The following LPIN1 variants were observed in gnomAD, a reference collection of about 807,000 sequenced individuals.
LPIN1 encodes lipin 1.
In LPIN1, 71 loss-of-function variants were observed where a neutral mutation model predicts 107.5. The observed-to-expected ratio is 0.66, with a 90% CI of 0.55 to 0.80. The LOEUF is 0.80. Among genes scored for constraint, LPIN1 ranks in the 30% least tolerant of loss-of-function variants. The pLI is 0.00. For synonymous variants in LPIN1, 445 were observed against 452.6 expected, an observed-to-expected ratio of 0.98 and a Z score of 0.21; for missense variants, 1,043 against 1,160.6, an observed-to-expected ratio of 0.90 and a Z score of 1.47.
chr2:11,696,339 G>A (rs1363288346), intron 1 of LPIN1, among the ~76,000 whole-genome samples: 1 of 151,964 alleles, frequency 6.6e-6, no homozygotes, highest in Non-Finnish European at 1.5e-5. Context: ...GGAAGGATAA[G>A]GTGCAGTTCA....
rs1671843119 is a variant in LPIN1, at chr2:11,771,541, A to G, written c.458A>G (p.Lys153Arg). The G allele has an allele frequency of 1.2e-6, 2 of 1,614,144 alleles. No homozygotes were observed. The highest frequency in any genetic ancestry group is 4.5e-5 in the East Asian group (2 of 44,872). The change falls in exon 4 of 21, where the codon AAG (lysine) becomes AGG (arginine). Residue 153 changes from lysine (K) to arginine (R), a missense_variant. Coordinates refer to ENST00000674199, the MANE Select transcript of LPIN1 (RefSeq NM_001349206.2). This position sits in a 1 kb window ranked among gnomAD's most constrained non-coding sequence, Gnocchi z 4.8. Reference protein sequence around the residue: ...SETPSSSSVVKKRRKRRRKSQ... With the variant: ...SETPSSSSVVRKRRKRRRKSQ... ...ACGCCGTCAAGCAGCTCTGTAGTAA[A>G]GAAGAGAAGAAAAAGGAGGAGAAAG...
intron 12 of LPIN1, chr2:11,791,584 C>A: frequency 9.6e-7 from 1 of 1,040,088 alleles, no homozygotes; most frequent in Non-Finnish European, 1.3e-6. Flanking sequence ...ACCAGTTAGC[C>A]ACTTTAATTT....
chr2:11,767,954 G>A (rs187425526), intron 3 of LPIN1, 96 bp downstream of exon 3: 61 of 826,872 alleles, frequency 7.4e-5, no homozygotes, highest in Non-Finnish European at 1.1e-4. Flanking sequence ...AAGTAATACC[G>A]GCCGTGGCTG....
At chr2:11,799,435 C>T (rs550494985) in intron 14 of LPIN1, among the ~76,000 whole-genome samples, 2 of 64,264 alleles carry the variant, frequency 3.1e-5, no homozygotes, top group South Asian at 3.8e-4. Context: ...CCTGTAGCCT[C>T]GTTCTTCTTC....
At chr2:11,752,909 T>C (rs1249804465) in intron 1 of LPIN1, among the ~76,000 whole-genome samples, 1 of 152,174 alleles carries the variant, frequency 6.6e-6, no homozygotes, top group Non-Finnish European at 1.5e-5. Context: ...AAATGTGGAA[T>C]TTTCTAATTT....
chr2:11,802,300 A>G (rs1677890371), intron 14 of LPIN1, among the ~76,000 whole-genome samples: 1 of 152,224 alleles, frequency 6.6e-6, no homozygotes, highest in Non-Finnish European at 1.5e-5. Context: ...TAAACAAAAA[A>G]GTCTAGAAGA....
chr2:11,788,373 T>A lies in LPIN1; in HGVS notation c.1644-14T>A. On this transcript the variant is annotated splice_polypyrimidine_tract_variant and intron_variant, in intron 11 of 20. Transcript: ENST00000674199. ...CCTCGGTTTTTTGACATATATTTCA[T>A]TGTTTTGTGTTAGATATTATAACTG... 1.9e-6 allele frequency: 3 copies of A among 1,602,496 alleles called. No homozygotes were observed. The highest frequency in any genetic ancestry group is 2.6e-6 in the Non-Finnish European group (3 of 1,169,414).
chr2:11,737,321 T>G (rs972472201), intron 1 of LPIN1, among the ~76,000 whole-genome samples: 1 of 152,186 alleles, frequency 6.6e-6, no homozygotes, highest in African/African-American at 2.4e-5. Flanking sequence ...GACATAGGCA[T>G]GGGCAAAGAC....
chr2:11,769,805 A>G (rs1161265610), intron 3 of LPIN1, among the ~76,000 whole-genome samples: 2 of 152,208 alleles, frequency 1.3e-5, no homozygotes, highest in African/African-American at 2.4e-5. Context: ...TCCTGAATGA[A>G]ATCGACTTGA....
At chr2:11,760,563 C>T (rs1558826558) in intron 1 of LPIN1, among the ~76,000 whole-genome samples, 10 of 152,182 alleles carry the variant, frequency 6.6e-5, no homozygotes, top group Admixed American at 6.5e-5. Context: ...CGCCTGCAAT[C>T]GCAGGCACTC....
chr2:11,708,477 G>A (rs535713052), intron 1 of LPIN1, among the ~76,000 whole-genome samples: 2 of 152,294 alleles, frequency 1.3e-5, no homozygotes, highest in Admixed American at 6.5e-5. Context: ...AGTGAGGCAT[G>A]GGAGAGGAGC....
chr2:11,770,384 G>T (rs984216022), intron 3 of LPIN1, among the ~76,000 whole-genome samples: 1 of 152,154 alleles, frequency 6.6e-6, no homozygotes, highest in African/African-American at 2.4e-5. Context: ...GCTTGGTACT[G>T]CATGTGCCTG....
chr2:11,795,666 T>C (rs148027191), intron 14 of LPIN1, among the ~76,000 whole-genome samples, 179 bp downstream of exon 14: 1 of 152,372 alleles, frequency 6.6e-6, no homozygotes, highest in East Asian at 1.9e-4. Context: ...TGCATGCAGT[T>C]GCTCCCTTAG....
At position 11,826,079 on chromosome 2, in the gene LPIN1, G is replaced by C. The variant is rs2148747913; in HGVS notation, c.*1288G>C. On this transcript the variant is annotated 3_prime_UTR_variant, in exon 21 of 21. Transcript: ENST00000674199. ...CACTGGCTCGTGGACAGAACAATTTGAAAAGTGAAAGAATTATTTTGGTAA... is the reference window on the plus strand; with the variant it reads ...CACTGGCTCGTGGACAGAACAATTTCAAAAGTGAAAGAATTATTTTGGTAA... 1 of 152,678 alleles carries C rather than the reference G, an allele frequency of 6.5e-6. No individual in the cohort carries two copies. Among genetic ancestry groups the C allele is most frequent in the South Asian group, 2.1e-4 (1 of 4,816 alleles). 9.5% of individuals were successfully genotyped at this position (152,678 alleles called of 1,614,324 possible).
rs185172467 is a variant in LPIN1 at position 11,734,954 on chromosome 2, C to T, written c.-71-6395C>T. On this transcript the variant is annotated intron_variant, in intron 1 of 21. Coordinates refer to the LPIN1 transcript ENST00000396097. ...AGCTACAGCTGCACAGCTCCTTTGA[C>T]GAGACAGAAGGAACAAGGGATGCAG... is the stretch of plus-strand genomic sequence containing the variant. Among the ~76,000 whole-genome samples the T allele has an allele frequency of 2.2e-3, 338 of 152,220 alleles. 1 individual carries two copies. The highest frequency in any genetic ancestry group is 7.4e-3 in the African/African-American group (308 of 41,542).
At chr2:11,693,542 G>A (rs1215586741) in intron 1 of LPIN1, among the ~76,000 whole-genome samples, 3 of 151,940 alleles carry the variant, frequency 2.0e-5, no homozygotes, top group African/African-American at 7.3e-5. Flanking sequence ...CGTGGTGTGA[G>A]TGGTCACCTG....
In LPIN1 at chr2:11,827,302, T is replaced by C. The variant is rs1429301881; in HGVS notation, c.*2511T>C. The C allele has an allele frequency of 6.6e-6, 1 of 152,314 alleles. No homozygotes were observed. Among genetic ancestry groups the C allele is most frequent in the Non-Finnish European group, 1.5e-5 (1 of 68,036 alleles). 9.4% of individuals were successfully genotyped at this position (152,314 alleles called of 1,614,324 possible). A position where few individuals can be genotyped will look rare whatever the true frequency, so the allele number is the denominator to read the frequency against. Reference sequence around the variant, plus strand: ...TATTTGCATTTGATCTGTATTTGTATATGCTGATGCAATGATAAAAATCAC... The same window carrying C: ...TATTTGCATTTGATCTGTATTTGTACATGCTGATGCAATGATAAAAATCAC... On this transcript the variant is annotated 3_prime_UTR_variant, in exon 21 of 21. Transcript: ENST00000674199. The surrounding 1 kb of genome is among the most constrained non-coding windows in gnomAD (Gnocchi z 4.1).
chr2:11,717,450 C>G (rs964639309), intron 2 of LPIN1, among the ~76,000 whole-genome samples: 1 of 152,034 alleles, frequency 6.6e-6, no homozygotes, highest in Non-Finnish European at 1.5e-5. Flanking sequence ...ATATTTGCCT[C>G]TCTTTTTTAT....
intron 1 of LPIN1, among the ~76,000 whole-genome samples, chr2:11,748,323 A>G (rs1257075718): frequency 5.3e-5 from 8 of 152,234 alleles, no homozygotes; most frequent in Admixed American, 2.6e-4. Flanking sequence ...TCCTGAGGCC[A>G]CCGTGGTCTG....
Sources: allele counts gnomAD v4.1 joint callset (sites outside exome capture counted in the v4.1 genomes callset), GRCh38; gene constraint gnomAD v4.1.1; non-coding constraint Gnocchi (gnomAD v3.1); transcripts MANE v1.5; gene names NCBI Gene and HGNC (gene_info 2026-07-23, HGNC 2026-07-21).